Variants in PODNL1 observed in about 807,000 individuals in gnomAD.
PODNL1 encodes podocan-like protein 1.
Under a neutral mutation model 45.1 loss-of-function variants are expected in PODNL1, and 50 were observed. The observed-to-expected ratio is 1.11, with a 90% CI of 0.88 to 1.40. The LOEUF is 1.40. Among genes scored for constraint, PODNL1 ranks in the 40% most tolerant of loss-of-function variants. The pLI, the probability that PODNL1 is intolerant of heterozygous loss-of-function variation, is 0.00. For synonymous variants in PODNL1, 406 were observed against 372.5 expected (o/e 1.09, Z -1.04); for missense variants, 788 against 793.3 (o/e 0.99, Z 0.08).
rs1219273397 is a variant in PODNL1 at position 13,938,372 on chromosome 19, G to A, written c.-191C>T. On this transcript the variant is annotated 5_prime_UTR_variant, in exon 1 of 10. Transcript: ENST00000588872. Reference sequence around the variant, plus strand: ...GGCCCACCCCCTTCCCCGCCCTGGGGAGGACGGGCAGGCGGCCGGATGGGG... The same window carrying A: ...GGCCCACCCCCTTCCCCGCCCTGGGAAGGACGGGCAGGCGGCCGGATGGGG... 3 of 1,398,890 alleles carry A rather than the reference G, an allele frequency of 2.1e-6. No individual in the cohort carries two copies. The highest frequency in any genetic ancestry group is 2.8e-6 in the Non-Finnish European group (3 of 1,076,166). The allele number at this position is 1,398,890 out of a possible 1,614,324, so 86.7% of individuals were successfully genotyped here.
intron 1 of PODNL1, among the ~76,000 whole-genome samples, chr19:13,945,579 C>A (rs755710387): frequency 6.6e-6 from 1 of 151,660 alleles, no homozygotes; most frequent in African/African-American, 2.4e-5. Flanking sequence ...CTCTATCCCC[C>A]GAGTTCAAGT....
At chr19:13,938,722 C>T (rs369261187), upstream of PODNL1, among the ~76,000 whole-genome samples, 1 of 152,134 alleles carries the variant, frequency 6.6e-6, no homozygotes, top group East Asian at 1.9e-4. Context: ...CACCTCCCCT[C>T]TGCTGGCTGG....
chr19:13,950,834 C>G (rs1485517350), intron 1 of PODNL1, among the ~76,000 whole-genome samples: 2 of 151,958 alleles, frequency 1.3e-5, no homozygotes, highest in Non-Finnish European at 2.9e-5. Context: ...CACTTGAGGT[C>G]AGGAGTTTGA....
chr19:13,938,290 C>CA lies in PODNL1; in HGVS notation c.-110_-109insT, dbSNP rs1972517736. On this transcript the variant is annotated 5_prime_UTR_variant, in exon 1 of 10. The change creates a new upstream start codon in the 5' untranslated region. Coordinates refer to ENST00000588872, the MANE Select transcript of PODNL1 (RefSeq NM_001370095.3). ...TGCTGTGGCCACCACCGCCCCCCATCTCCAGACCCATGCCACCCCCCACAA... is the reference window on the plus strand; with the variant it reads ...TGCTGTGGCCACCACCGCCCCCCATCATCCAGACCCATGCCACCCCCCACAA... 2.7e-6 allele frequency: 4 copies of CA among 1,480,820 alleles called. No individual in the cohort carries two copies. In the African/African-American group the frequency reaches 5.6e-5, roughly 21 times the overall value. 91.7% of individuals were successfully genotyped at this position (1,480,820 alleles called of 1,614,324 possible).
intron 3 of PODNL1, 112 bp from the exon 4 acceptor site, chr19:13,936,156 C>A: frequency 9.6e-7 from 1 of 1,042,788 alleles, no homozygotes; most frequent in Non-Finnish European, 1.4e-6. Flanking sequence ...AGAGGCTCCC[C>A]AGGCCCTCAG....
chr19:13,938,280 C>T lies in PODNL1; in HGVS notation c.-99G>A, dbSNP rs879503813. On this transcript the variant is annotated 5_prime_UTR_variant, in exon 1 of 10. Coordinates refer to ENST00000588872, the MANE Select transcript of PODNL1 (RefSeq NM_001370095.3). ...CTGGAGCCTCTGCTGTGGCCACCAC[C>T]GCCCCCCATCTCCAGACCCATGCCA... The T allele has an allele frequency of 9.1e-5, 136 of 1,500,232 alleles. No individual in the cohort carries two copies. Among genetic ancestry groups the T allele is most frequent in the Non-Finnish European group, 1.2e-4 (133 of 1,124,536 alleles). The allele number at this position is 1,500,232 out of a possible 1,614,324, so 92.9% of individuals were successfully genotyped here.
intron 1 of PODNL1, among the ~76,000 whole-genome samples, chr19:13,948,539 TTAATC>T (rs1315171104): frequency 4.0e-5 from 6 of 150,792 alleles, no homozygotes; most frequent in Non-Finnish European, 8.9e-5. Flanking sequence ...TGCTAGTAGA[TTAATC>T]TAAGTCAGCA....
rs1972485358 is a variant in PODNL1, at chr19:13,937,918, C to A, written c.92G>T (p.Ser31Ile). 3 of 1,558,372 alleles carry A rather than the reference C, an allele frequency of 1.9e-6. No homozygotes were observed. The highest frequency in any genetic ancestry group is 2.6e-6 in the Non-Finnish European group (3 of 1,151,250). ...ACAGGCCCGGGGCAGGGGCTGCAAG[C>A]TCTCCCCCAGGTGGGGGAAGGCAGC... ...EDAAFPHLGE[S>I]LQPLPRACPL... is the part of the protein sequence containing the mutation. Residue 31 changes from serine (S) to isoleucine (I), a missense_variant, in exon 2 of 10, where the codon AGC becomes ATC. Ser to Ile is a moderately radical substitution (Grantham distance 142, BLOSUM62 -2). This residue lies in a region of PODNL1 where 762 missense variants were observed against 750.9 expected (regional missense o/e 1.01). Transcript: ENST00000588872.
chr19:13,952,373 T>A, intron 1 of PODNL1: 1 of 1,134,032 alleles, frequency 8.8e-7, no homozygotes. Flanking sequence ...AGAGTCGAGA[T>A]GGCTTTGATG....
intron 5 of PODNL1, among the ~76,000 whole-genome samples, chr19:13,934,805 T>C (rs1972224543): frequency 6.6e-6 from 1 of 151,552 alleles, no homozygotes; most frequent in Non-Finnish European, 1.5e-5. Flanking sequence ...GTGCATGTGA[T>C]TGTAAGTGTG....
At chr19:13,932,690 C>T in intron 8 of PODNL1, 108 bp downstream of exon 8, 1 of 1,596,818 alleles carries the variant, frequency 6.3e-7, no homozygotes, top group Non-Finnish European at 8.5e-7. Context: ...TTATCATTTT[C>T]TTGTTCTGAT....
rs897421323 is a variant in PODNL1 at position 13,931,542 on chromosome 19, C to G, written c.*195G>C. 8 of 523,972 alleles carry G rather than the reference C, an allele frequency of 1.5e-5. No homozygotes were observed. In the African/African-American group the frequency reaches 1.6e-4, roughly 10 times the overall value. 32.5% of individuals were successfully genotyped at this position (523,972 alleles called of 1,614,324 possible). ...GGAGTTTGGGGTAGGGTGTGTCCCG[C>G]CAGGCCGGCGTGGTCTGTGAGCCTG... On this transcript the variant is annotated 3_prime_UTR_variant, in exon 10 of 10. Transcript: ENST00000588872.
In PODNL1 at chr19:13,933,369, A is replaced by G. The variant is rs757452688; in HGVS notation, c.854T>C (p.Leu285Pro). 3 of 1,608,166 alleles carry G rather than the reference A, an allele frequency of 1.9e-6. No individual in the cohort carries two copies. The East Asian group carries it at 6.7e-5, about 36-fold the overall frequency. ...PAGLPRTLAILHLGRNRIRQV... is the reference protein window; with the variant it reads ...PAGLPRTLAIPHLGRNRIRQV... Reference sequence around the variant, plus strand: ...CCGGATGCGGTTGCGGCCCAGGTGCAGGATAGCCAGGGTCCGGGGCAGGCC... The same window carrying G: ...CCGGATGCGGTTGCGGCCCAGGTGCGGGATAGCCAGGGTCCGGGGCAGGCC... The change falls in exon 8 of 10, where the codon CTG becomes CCG. Residue 285 changes from leucine to proline, a missense_variant. Coordinates refer to ENST00000588872, the MANE Select transcript of PODNL1 (RefSeq NM_001370095.3). The surrounding 1 kb of genome is among the most constrained non-coding windows in gnomAD (Gnocchi z 5.2).
chr19:13,951,282 C>A (rs188553788), intron 1 of PODNL1, among the ~76,000 whole-genome samples: 15 of 150,874 alleles, frequency 9.9e-5, no homozygotes, highest in African/African-American at 2.9e-4. Flanking sequence ...CCCATCTCTA[C>A]AAAAAAAATT....
chr19:13,938,223 G>T lies in PODNL1; in HGVS notation c.-42C>A. ...GCCATCTCGCCCAAGCTGCTGACCA[G>T]GACTTCCTAATGGAAACCAGGCGGT... is the stretch of plus-strand genomic sequence containing the variant. On this transcript the variant is annotated 5_prime_UTR_variant, in exon 1 of 10. It adds an upstream start codon to the 5' untranslated region. Coordinates refer to ENST00000588872, the MANE Select transcript of PODNL1 (RefSeq NM_001370095.3). 6.2e-7 allele frequency: 1 copy of T among 1,604,734 alleles called. No homozygotes were observed. Among genetic ancestry groups the T allele is most frequent in the Non-Finnish European group, 8.5e-7 (1 of 1,176,168 alleles).
exon 1 of PODNL1, chr19:13,953,189 A>T (rs1973165561): frequency 1.3e-6 from 2 of 1,485,804 alleles, no homozygotes; most frequent in South Asian, 2.5e-5. Flanking sequence ...GCAGAGTGAG[A>T]GTTACCGAAG....
intron 1 of PODNL1, among the ~76,000 whole-genome samples, chr19:13,947,350 G>T (rs1972857160): frequency 6.6e-6 from 1 of 151,342 alleles, no homozygotes; most frequent in African/African-American, 2.4e-5. Context: ...GCCTGGTGGT[G>T]CATGCCTGTA....
upstream of PODNL1, among the ~76,000 whole-genome samples, chr19:13,942,636 T>C (rs113129883): frequency 0.016 from 2,378 of 152,284 alleles, 55 homozygotes; most frequent in African/African-American, 0.053. Flanking sequence ...GTGGCCCCAG[T>C]GTCCAGCATG....
At chr19:13,942,070 G>A (rs1448744435), upstream of PODNL1, among the ~76,000 whole-genome samples, 2 of 152,140 alleles carry the variant, frequency 1.3e-5, no homozygotes, top group East Asian at 1.9e-4. Flanking sequence ...CAGGACTACT[G>A]TAGCAGTCCT....
Sources: gnomAD v4.1 joint callset for allele counts (sites outside exome capture counted in the v4.1 genomes callset) on GRCh38, gnomAD v4.1.1 for gene constraint, gnomAD v4.1.1 regional missense constraint, Gnocchi (gnomAD v3.1) non-coding constraint, MANE v1.5 for transcripts, NCBI Gene and HGNC (gene_info 2026-07-23, HGNC 2026-07-21) for gene names.